The following HPSE2 variants were observed in gnomAD, a reference collection of about 807,000 sequenced individuals.
The protein encoded by HPSE2 is inactive heparanase-2.
A neutral mutation model predicts 60.5 loss-of-function variants in HPSE2; 38 were observed. The observed-to-expected ratio is 0.63, with a 90% CI of 0.48 to 0.82. The LOEUF is 0.82. Ranked by LOEUF, HPSE2 falls within the 40% of genes least tolerant of loss-of-function variation. The probability of loss-of-function intolerance (pLI) is 0.00; values close to 1 mark genes in which losing one functional copy is unlikely to be tolerated. For synonymous variants in HPSE2, 295 were observed against 293.2 expected (o/e 1.01, Z -0.06); for missense variants, 713 against 740.4 (o/e 0.96, Z 0.43).
chr10:98,751,624 C>A (rs1198903969), intron 3 of HPSE2, among the ~76,000 whole-genome samples: 1 of 152,192 alleles, frequency 6.6e-6, no homozygotes, highest in African/African-American at 2.4e-5. Context: ...ACAGTATCAA[C>A]TTATTCTAAT....
intron 3 of HPSE2, among the ~76,000 whole-genome samples, chr10:98,920,165 C>T (rs1954241039): frequency 2.0e-5 from 3 of 152,204 alleles, no homozygotes; most frequent in African/African-American, 7.2e-5. Flanking sequence ...CAAGCTAAGC[C>T]ATCCTTTCCC....
At chr10:99,209,891 T>C (rs563739166) in intron 2 of HPSE2, among the ~76,000 whole-genome samples, 1 of 152,304 alleles carries the variant, frequency 6.6e-6, no homozygotes, top group Admixed American at 6.5e-5. Flanking sequence ...GGTTTCACCA[T>C]ATTGATCAGA....
chr10:98,637,453 C>A (rs190870179), intron 7 of HPSE2, among the ~76,000 whole-genome samples: 1 of 152,128 alleles, frequency 6.6e-6, no homozygotes. Context: ...GCAATAAGAA[C>A]TAGCATTCAA....
chr10:98,729,249 C>G (rs942163899), intron 4 of HPSE2, among the ~76,000 whole-genome samples: 1 of 152,020 alleles, frequency 6.6e-6, no homozygotes, highest in Non-Finnish European at 1.5e-5. Context: ...AAAATAGATC[C>G]TAATATGAGA....
chr10:98,838,460 ATT>A (rs150325307), intron 3 of HPSE2, among the ~76,000 whole-genome samples: 26 of 142,332 alleles, frequency 1.8e-4, no homozygotes, highest in African/African-American at 4.1e-4. Context: ...GGCCTGATTC[ATT>A]TTTTTTTTTT....
At chr10:98,491,889 A>T (rs1361405500) in intron 9 of HPSE2, among the ~76,000 whole-genome samples, 1 of 152,194 alleles carries the variant, frequency 6.6e-6, no homozygotes, top group Non-Finnish European at 1.5e-5. Flanking sequence ...TAGAATCCGG[A>T]AGGGATCCTT....
chr10:98,722,121 G>A (rs1051999701), intron 4 of HPSE2, among the ~76,000 whole-genome samples: 2 of 150,780 alleles, frequency 1.3e-5, no homozygotes, highest in African/African-American at 4.9e-5. Flanking sequence ...GGATTGAACA[G>A]TGTCCCCCAA....
intron 9 of HPSE2, among the ~76,000 whole-genome samples, chr10:98,512,637 G>C (rs2133748198): frequency 6.6e-6 from 1 of 152,148 alleles, no homozygotes; most frequent in East Asian, 1.9e-4. Context: ...GGTAAAGTAG[G>C]AAGATCAGTG....
chr10:99,186,719 G>A (rs1848044298), intron 2 of HPSE2, among the ~76,000 whole-genome samples: 1 of 151,942 alleles, frequency 6.6e-6, no homozygotes. Context: ...ATTCCTGGAG[G>A]CATGCTTATT....
chr10:98,962,634 T>G (rs930983764), intron 3 of HPSE2, among the ~76,000 whole-genome samples: 1 of 150,296 alleles, frequency 6.7e-6, no homozygotes, highest in African/African-American at 2.5e-5. Context: ...AAAGAGGAAG[T>G]CAAATTGTCC....
the HPSE2 span, among the ~76,000 whole-genome samples, chr10:99,265,246 T>C: frequency 1.8e-4 from 28 of 152,278 alleles, no homozygotes; most frequent in Admixed American, 4.6e-4. Context: ...AACCCAAACC[T>C]ATAAGAACTA....
At chr10:99,184,780 C>A (rs1241308906) in intron 2 of HPSE2, among the ~76,000 whole-genome samples, 3 of 44,328 alleles carry the variant, frequency 6.8e-5, no homozygotes, top group Admixed American at 2.7e-4. Flanking sequence ...ACAGAACTAT[C>A]CAAAATTATA....
intron 11 of HPSE2, among the ~76,000 whole-genome samples, chr10:98,460,019 G>A (rs1006421130): frequency 8.6e-5 from 13 of 151,662 alleles, no homozygotes; most frequent in African/African-American, 2.4e-4. Flanking sequence ...CACACAGCTT[G>A]GAGGTCCAGG....
chr10:98,561,766 TG>T lies in HPSE2; in HGVS notation c.1320+53137del, dbSNP rs143621333. 8.7e-3 allele frequency among the ~76,000 whole-genome samples: 1,326 copies of T among 152,316 alleles called. 17 individuals carry two copies. Among genetic ancestry groups the T allele is most frequent in the African/African-American group, 0.031 (1,269 of 41,574 alleles). On this transcript the variant is annotated intron_variant, in intron 9 of 11. Transcript: ENST00000370552. ...ACGAGGTTGAGGCACGAGAATCACT[TG>T]AACCCAGGAGGCGGAGTTTGCAGCG... is the stretch of plus-strand genomic sequence containing the variant.
intron 2 of HPSE2, among the ~76,000 whole-genome samples, chr10:99,202,108 T>C (rs1848594521): frequency 6.6e-6 from 1 of 152,134 alleles, no homozygotes; most frequent in African/African-American, 2.4e-5. Flanking sequence ...ATCTGATATA[T>C]AGATAGATAG....
At chr10:98,693,205 A>G (rs756285162) in intron 6 of HPSE2, among the ~76,000 whole-genome samples, 1 of 152,264 alleles carries the variant, frequency 6.6e-6, no homozygotes, top group African/African-American at 2.4e-5. Flanking sequence ...CTCAGAGAAA[A>G]GAAGAACAGG....
rs868345804 is a variant in HPSE2, at chr10:98,511,141, G to T, written c.1321-20945C>A. ...TTTAATGTGTTGCTGTTTTTTTTTTGTTTGTTTTTGTTTTTTGTTTTTTTT... is the reference window on the plus strand; with the variant it reads ...TTTAATGTGTTGCTGTTTTTTTTTTTTTTGTTTTTGTTTTTTGTTTTTTTT... On this transcript the variant is annotated intron_variant, in intron 9 of 11. Coordinates refer to ENST00000370552, the MANE Select transcript of HPSE2 (RefSeq NM_021828.5). Among the ~76,000 whole-genome samples, 535 of 129,402 alleles carry T rather than the reference G, an allele frequency of 4.1e-3. 1 individual carries two copies. The highest frequency in any genetic ancestry group is 7.1e-3 in the Non-Finnish European group (425 of 59,492). 84.9% of individuals were successfully genotyped at this position (129,402 alleles called of 152,430 possible). A position where few individuals can be genotyped will look rare whatever the true frequency, so the allele number is the denominator to read the frequency against.
At chr10:99,018,765 C>G (rs551274407) in intron 3 of HPSE2, among the ~76,000 whole-genome samples, 21 of 152,264 alleles carry the variant, frequency 1.4e-4, no homozygotes, top group African/African-American at 4.8e-4. Flanking sequence ...AGGAAATGGA[C>G]TACCTCTTGG....
chr10:98,509,789 C>T (rs1430969096), intron 9 of HPSE2, among the ~76,000 whole-genome samples: 2 of 152,144 alleles, frequency 1.3e-5, no homozygotes, highest in Non-Finnish European at 2.9e-5. Context: ...CGTGAGCCAC[C>T]GCACCTGGCT....
Sources: gnomAD v4.1 joint callset for allele counts (sites outside exome capture counted in the v4.1 genomes callset) on GRCh38, gnomAD v4.1.1 for gene constraint, MANE v1.5 for transcripts, NCBI Gene and HGNC (gene_info 2026-07-23, HGNC 2026-07-21) for gene names.